Variants in DPYD observed in about 807,000 individuals in gnomAD.
DPYD encodes dihydropyrimidine dehydrogenase [NADP(+)].
DPYD carries 109 observed loss-of-function variants against 116.2 expected under a neutral mutation model. The observed-to-expected ratio is 0.94, with a 90% CI of 0.80 to 1.10. The LOEUF (loss-of-function observed/expected upper bound fraction) is 1.10, where lower values mean the gene tolerates loss of function less well. Among genes scored for constraint, DPYD ranks in the 50% least tolerant of loss-of-function variants. The probability of loss-of-function intolerance (pLI) is 0.00; values close to 1 mark genes in which losing one functional copy is unlikely to be tolerated. For synonymous variants in DPYD, 440 were observed against 432.0 expected, an observed-to-expected ratio of 1.02 and a Z score of -0.23; for missense variants, 1,302 against 1,254.5, an observed-to-expected ratio of 1.04 and a Z score of -0.57.
At chr1:97,264,828 C>T (rs1664129193) in intron 18 of DPYD, among the ~76,000 whole-genome samples, 1 of 152,152 alleles carries the variant, frequency 6.6e-6, no homozygotes, top group Admixed American at 6.6e-5. Context: ...TTTATCCACA[C>T]ATCAGATATT....
intron 13 of DPYD, among the ~76,000 whole-genome samples, chr1:97,470,266 A>G (rs991845311): frequency 2.0e-5 from 3 of 151,916 alleles, no homozygotes; most frequent in Admixed American, 2.0e-4. Flanking sequence ...CAGACAAGTA[A>G]ACAGCCTCTT....
chr1:97,493,391 G>C (rs556947772), intron 13 of DPYD, among the ~76,000 whole-genome samples: 1 of 152,066 alleles, frequency 6.6e-6, no homozygotes, highest in South Asian at 2.1e-4. Context: ...GTTCAAATCA[G>C]AAAAAACTTT....
At chr1:97,286,957 T>C (rs980681139) in intron 18 of DPYD, among the ~76,000 whole-genome samples, 2 of 152,254 alleles carry the variant, frequency 1.3e-5, no homozygotes, top group Non-Finnish European at 2.9e-5. Context: ...GTTACGTTGC[T>C]GGTGAGGAAC....
intron 3 of DPYD, among the ~76,000 whole-genome samples, chr1:97,785,086 G>C (rs926810934): frequency 6.6e-6 from 1 of 152,056 alleles, no homozygotes; most frequent in Non-Finnish European, 1.5e-5. Flanking sequence ...TTCACATCCT[G>C]TTGTTTAGTA....
chr1:97,294,998 T>C (rs1666434668), intron 18 of DPYD, among the ~76,000 whole-genome samples: 1 of 152,184 alleles, frequency 6.6e-6, no homozygotes, highest in Non-Finnish European at 1.5e-5. Context: ...ATTTAATGAG[T>C]ATACTATATT....
At chr1:97,583,739 G>A (rs1653872132) in intron 10 of DPYD, among the ~76,000 whole-genome samples, 1 of 146,806 alleles carries the variant, frequency 6.8e-6, no homozygotes, top group African/African-American at 2.5e-5. Context: ...TTTAATGTTA[G>A]ATTGACATAA....
At chr1:97,903,185 C>T (rs937291232) in intron 1 of DPYD, among the ~76,000 whole-genome samples, 5 of 151,834 alleles carry the variant, frequency 3.3e-5, no homozygotes, top group African/African-American at 1.2e-4. Context: ...TAATACATCT[C>T]TTATTTACTA....
At chr1:97,401,162 C>T (rs1201644562) in intron 14 of DPYD, among the ~76,000 whole-genome samples, 2 of 152,056 alleles carry the variant, frequency 1.3e-5, no homozygotes, top group African/African-American at 2.4e-5. Flanking sequence ...AAATCTGGTT[C>T]GTTGTTTTCT....
intron 13 of DPYD, among the ~76,000 whole-genome samples, chr1:97,455,155 A>G (rs1208381504): frequency 6.6e-6 from 1 of 151,914 alleles, no homozygotes; most frequent in Non-Finnish European, 1.5e-5. Context: ...TGGAAATGGT[A>G]GAGCAAGGAG....
intron 4 of DPYD, among the ~76,000 whole-genome samples, chr1:97,732,916 C>T (rs539316174): frequency 2.1e-4 from 32 of 152,058 alleles, no homozygotes; most frequent in African/African-American, 7.5e-4. Flanking sequence ...GTTTTACACG[C>T]AGAAAAAAGC....
intron 16 of DPYD, among the ~76,000 whole-genome samples, chr1:97,321,241 A>C (rs1668242103): frequency 1.1e-5 from 1 of 91,484 alleles, no homozygotes; most frequent in African/African-American, 4.0e-5. Flanking sequence ...AATGGGATCT[A>C]ATTAAACTAA....
intron 3 of DPYD, among the ~76,000 whole-genome samples, chr1:97,813,044 G>A (rs1246750111): frequency 6.6e-6 from 1 of 152,078 alleles, no homozygotes; most frequent in African/African-American, 2.4e-5. Context: ...TCATTTTGGT[G>A]GAATGCCCCA....
intron 18 of DPYD, among the ~76,000 whole-genome samples, chr1:97,283,194 A>G (rs945608118): frequency 8.5e-5 from 13 of 152,164 alleles, no homozygotes; most frequent in African/African-American, 3.1e-4. Flanking sequence ...TTCTAAATAA[A>G]TAGCTAATTT....
In DPYD at chr1:97,668,849, A is replaced by T. The variant is rs183634372; in HGVS notation, c.850+10246T>A. 9.1e-4 allele frequency among the ~76,000 whole-genome samples: 139 copies of T among 151,998 alleles called. 1 individual carries two copies. The East Asian group carries it at 0.019, about 21-fold the overall frequency. On this transcript the variant is annotated intron_variant, in intron 8 of 22. Coordinates refer to ENST00000370192, the MANE Select transcript of DPYD (RefSeq NM_000110.4). Reference sequence around the variant, plus strand: ...GACAAAACTACCAAGTATTTTTTTTAAAAAAAGGAAAGAATAGAAACACAA... The same window carrying T: ...GACAAAACTACCAAGTATTTTTTTTTAAAAAAGGAAAGAATAGAAACACAA...
chr1:97,361,005 T>G (rs111377057), intron 16 of DPYD, among the ~76,000 whole-genome samples: 1 of 151,940 alleles, frequency 6.6e-6, no homozygotes, highest in African/African-American at 2.4e-5. Flanking sequence ...AAAAAATCAA[T>G]GAATCCAGGA....
At chr1:97,528,475 G>C (rs569416532) in intron 12 of DPYD, among the ~76,000 whole-genome samples, 1 of 152,126 alleles carries the variant, frequency 6.6e-6, no homozygotes, top group African/African-American at 2.4e-5. Flanking sequence ...TCTGGACTCT[G>C]AAAATTAAAT....
Position 97,365,809 on chromosome 1 carries a change from T to G in DPYD, c.2058+7752A>C, listed in dbSNP as rs1363321615. Among the ~76,000 whole-genome samples the G allele has an allele frequency of 2.6e-5, 4 of 152,232 alleles. No homozygotes were observed. The Middle Eastern group carries it at 0.01, about 388-fold the overall frequency. ...TATCCAGCTAATTTTTGTGTGTGTG[T>G]TTTTAGCAGACACGGGGTTTCGCCA... On this transcript the variant is annotated intron_variant, in intron 16 of 22. Transcript: ENST00000370192.
intron 22 of DPYD, 79 bp downstream of exon 22, chr1:97,082,251 T>C: frequency 5.7e-6 from 9 of 1,580,812 alleles, no homozygotes; most frequent in East Asian, 4.5e-5. Flanking sequence ...ATTTCACACA[T>C]AGCAACAGAA....
At chr1:97,727,643 T>G (rs1332041795) in intron 4 of DPYD, among the ~76,000 whole-genome samples, 1 of 151,734 alleles carries the variant, frequency 6.6e-6, no homozygotes, top group Non-Finnish European at 1.5e-5. Context: ...GAACCAATAT[T>G]AAGCAATGAT....
Sources: gnomAD v4.1 joint callset for allele counts (sites outside exome capture counted in the v4.1 genomes callset) on GRCh38, gnomAD v4.1.1 for gene constraint, MANE v1.5 for transcripts, NCBI Gene and HGNC (gene_info 2026-07-23, HGNC 2026-07-21) for gene names.